RBM15B: variants seen among roughly 807,000 people sequenced by gnomAD.
RBM15B encodes putative RNA-binding protein 15B.
A neutral mutation model predicts 53.3 loss-of-function variants in RBM15B; 11 were observed. The ratio of observed to expected loss-of-function variants is 0.21; its 90% confidence interval spans 0.13 to 0.34. RBM15B has a LOEUF of 0.34. Ranked by LOEUF, RBM15B falls within the 10% of genes least tolerant of loss-of-function variation. The pLI is 1.00. For synonymous variants in RBM15B, 631 were observed against 540.7 expected (o/e 1.17, Z -2.32); for missense variants, 1,136 against 1,250.3 (o/e 0.91, Z 1.38).
rs199527351 is a variant in RBM15B at position 51,393,560 on chromosome 3, G to A, written c.2161G>A (p.Gly721Ser). 12 of 1,614,198 alleles carry A rather than the reference G, an allele frequency of 7.4e-6. No individual in the cohort carries two copies. The East Asian group carries it at 2.2e-4, about 30-fold the overall frequency. Residue 721 changes from glycine (G) to serine (S), a missense_variant, in exon 1 of 1, where the codon GGT becomes AGT. Physicochemically the swap from Gly to Ser is moderately conservative, Grantham distance 56. Around this residue, in one of 7 missense-constraint regions of RBM15B, gnomAD observed 578 missense variants for 581.6 expected, o/e 0.99. Transcript: ENST00000563281. The surrounding 1 kb of genome is among the most constrained non-coding windows in gnomAD (Gnocchi z 5.6). ...AGAGTACGCTCAGACACTACAGCTG[G>A]GTTGGAATGGGCTTCTGGTGTTGAA... ...LSEYAQTLQL[G>S]WNGLLVLKNS...
chr3:51,395,754 C>A lies in RBM15B; in HGVS notation c.*1682C>A. 2.4e-6 allele frequency: 1 copy of A among 413,466 alleles called. No homozygotes were observed. Among genetic ancestry groups the A allele is most frequent in the South Asian group, 1.3e-4 (1 of 7,828 alleles). 25.6% of individuals were successfully genotyped at this position (413,466 alleles called of 1,614,324 possible). On this transcript the variant is annotated 3_prime_UTR_variant, in exon 1 of 1. Coordinates refer to ENST00000563281, the MANE Select transcript of RBM15B (RefSeq NM_013286.5). ...GGCTCACTGCAGGCTGTGGAGAGGT[C>A]ATGCTGGTCCACAGGAACACTTGGC...
Position 51,392,690 on chromosome 3 carries a change from C to G in RBM15B, c.1291C>G (p.Leu431Val). The change falls in exon 1 of 1, where the codon CTG becomes GTG. Residue 431 changes from leucine (L) to valine (V), a missense_variant. Transcript: ENST00000563281. This position sits in a 1 kb window ranked among gnomAD's most constrained non-coding sequence, Gnocchi z 7.5. ...GGGTGGCCTGGGACCTAACACGTCA[C>G]TGGCGGCTCTGGCCCGAGAGTTTGA... ...WVGGLGPNTS[L>V]AALAREFDRF... The G allele has an allele frequency of 6.2e-7, 1 of 1,614,178 alleles. No homozygotes were observed. Among genetic ancestry groups the G allele is most frequent in the Non-Finnish European group, 8.5e-7 (1 of 1,180,032 alleles).
chr3:51,394,286 G>A lies in RBM15B; in HGVS notation c.*214G>A, dbSNP rs2089098988. ...AACGATGAGAAGGGAATCCGGTTAT[G>A]TTGATTTCTAGTGTACAAGATACTG... On this transcript the variant is annotated 3_prime_UTR_variant, in exon 1 of 1. Coordinates refer to ENST00000563281, the MANE Select transcript of RBM15B (RefSeq NM_013286.5). The A allele has an allele frequency of 3.4e-6, 2 of 583,340 alleles. No homozygotes were observed. The highest frequency in any genetic ancestry group is 2.6e-6 in the Non-Finnish European group (1 of 386,612). 36.1% of individuals were successfully genotyped at this position (583,340 alleles called of 1,614,324 possible). A position where few individuals can be genotyped will look rare whatever the true frequency, so the allele number is the denominator to read the frequency against.
chr3:51,391,406 C>A lies in RBM15B; in HGVS notation c.7C>A (p.Arg3=). The change falls in exon 1 of 1, where the codon CGG becomes AGG. Residue 3 remains arginine, a synonymous_variant. Coordinates refer to ENST00000563281, the MANE Select transcript of RBM15B (RefSeq NM_013286.5). This position sits in a 1 kb window ranked among gnomAD's most constrained non-coding sequence, Gnocchi z 4.5. MK[R]QSERDSSPSG... ...CGCCCGCCGCGCCAGCGCCATGAAGCGGCAGAGCGAGCGAGACTCTAGCCC... is the reference window on the plus strand; with the variant it reads ...CGCCCGCCGCGCCAGCGCCATGAAGAGGCAGAGCGAGCGAGACTCTAGCCC... The A allele has an allele frequency of 8.0e-7, 1 of 1,244,940 alleles. No individual in the cohort carries two copies. Among genetic ancestry groups the A allele is most frequent in the Non-Finnish European group, 1.0e-6 (1 of 992,906 alleles). The allele number at this position is 1,244,940 out of a possible 1,614,324, so 77.1% of individuals were successfully genotyped here. A position where few individuals can be genotyped will look rare whatever the true frequency, so the allele number is the denominator to read the frequency against.
rs1553621559 is a variant in RBM15B, at chr3:51,391,754, C to T, written c.355C>T (p.Pro119Ser). The change falls in exon 1 of 1, where the codon CCG becomes TCG. Residue 119 changes from proline (P) to serine (S), a missense_variant. Physicochemically the swap from Pro to Ser is moderately conservative, Grantham distance 74. This residue lies in a region of RBM15B where 257 missense variants were observed against 261.1 expected (regional missense o/e 0.98). Coordinates refer to ENST00000563281, the MANE Select transcript of RBM15B (RefSeq NM_013286.5). This position sits in a 1 kb window ranked among gnomAD's most constrained non-coding sequence, Gnocchi z 4.5. The stretch of plus-strand genomic sequence containing the variant: ...CCGCGCGTCTCCTCTGCCGCCGCCT[C>T]CGCCACCGCCTGGGGCCGAGCCCGC... The part of the protein sequence containing the change: ...SPRASPLPPP[P>S]PPPGAEPACP... The T allele has an allele frequency of 6.5e-7, 1 of 1,550,284 alleles. No individual in the cohort carries two copies. The highest frequency in any genetic ancestry group is 8.6e-7 in the Non-Finnish European group (1 of 1,158,724).
rs1223388922 is a variant in RBM15B at position 51,396,760 on chromosome 3, C to G, written c.*2688C>G. The stretch of plus-strand genomic sequence containing the variant: ...CTCCCTGTTATAGTCCCTGTCTCCC[C>G]CACAGAGACCTGTGGGTGCTCCCAG... On this transcript the variant is annotated 3_prime_UTR_variant, in exon 1 of 1. Transcript: ENST00000563281. 1 of 167,168 alleles carries G rather than the reference C, an allele frequency of 6.0e-6. No homozygotes were observed. Among genetic ancestry groups the G allele is most frequent in the African/African-American group, 2.4e-5 (1 of 41,442 alleles). The allele number at this position is 167,168 out of a possible 1,614,324, so 10.4% of individuals were successfully genotyped here. A position where few individuals can be genotyped will look rare whatever the true frequency, so the allele number is the denominator to read the frequency against.
rs782297819 is a variant in RBM15B at position 51,393,136 on chromosome 3, G to A, written c.1737G>A (p.Gly579=). The change falls in exon 1 of 1, where the codon GGG becomes GGA. Residue 579 remains glycine, a synonymous_variant. Coordinates refer to ENST00000563281, the MANE Select transcript of RBM15B (RefSeq NM_013286.5). The surrounding 1 kb of genome is among the most constrained non-coding windows in gnomAD (Gnocchi z 5.6). The stretch of plus-strand genomic sequence containing the variant: ...GCAGCCGGAGTGGTGAGCGTTGGGG[G>A]GCAGATGGAGACCGTGGTTTGCCCA... ...SVRSRSGERW[G]ADGDRGLPKP... is the part of the protein sequence containing the mutation. 2.4e-5 allele frequency: 39 copies of A among 1,613,948 alleles called. No homozygotes were observed. The South Asian group carries it at 4.0e-4, about 16-fold the overall frequency.
In RBM15B at chr3:51,394,016, T is replaced by C. The variant is rs2089088649; in HGVS notation, c.2617T>C (p.Leu873=). 3.4e-6 allele frequency: 5 copies of C among 1,491,174 alleles called. No homozygotes were observed. The highest frequency in any genetic ancestry group is 4.5e-6 in the Non-Finnish European group (5 of 1,120,168). 92.4% of individuals were successfully genotyped at this position (1,491,174 alleles called of 1,614,324 possible). The part of the protein sequence containing the change: ...QQYLQSALRT[L]GKLEEEHMVI... ...GTACCTCCAGTCAGCACTAAGGACA[T>C]TGGGCAAGCTAGAAGAAGAACACAT... The change falls in exon 1 of 1, where the codon TTG becomes CTG. Residue 873 remains leucine, a synonymous_variant. Transcript: ENST00000563281.
chr3:51,391,653 C>A lies in RBM15B; in HGVS notation c.254C>A (p.Ser85Tyr). The change falls in exon 1 of 1, where the codon TCC becomes TAC. Residue 85 changes from serine (S) to tyrosine (Y), a missense_variant. Transcript: ENST00000563281. The surrounding 1 kb of genome is among the most constrained non-coding windows in gnomAD (Gnocchi z 4.5). ...AATCACCGCGCGAGTAGCGGGCGCT[C>A]CTCGGGCTCCGGCGCTGGCGGCGGG... is the stretch of plus-strand genomic sequence containing the variant. The part of the protein sequence containing the change: ...DANHRASSGR[S>Y]SGSGAGGGGR... 1 of 1,200,484 alleles carries A rather than the reference C, an allele frequency of 8.3e-7. No individual in the cohort carries two copies. The highest frequency in any genetic ancestry group is 4.1e-5 in the South Asian group (1 of 24,296). 74.4% of individuals were successfully genotyped at this position (1,200,484 alleles called of 1,614,324 possible).
chr3:51,393,561 G>T lies in RBM15B; in HGVS notation c.2162G>T (p.Gly721Val). Residue 721 changes from glycine to valine, a missense_variant, in exon 1 of 1, where the codon GGT becomes GTT. Physicochemically the swap from Gly to Val is moderately radical, Grantham distance 109. Around this residue, in one of 7 missense-constraint regions of RBM15B, gnomAD observed 578 missense variants for 581.6 expected, o/e 0.99. Transcript: ENST00000563281. This position sits in a 1 kb window ranked among gnomAD's most constrained non-coding sequence, Gnocchi z 5.6. ...GAGTACGCTCAGACACTACAGCTGG[G>T]TTGGAATGGGCTTCTGGTGTTGAAA... ...LSEYAQTLQL[G>V]WNGLLVLKNS... is the part of the protein sequence containing the mutation. 6.2e-7 allele frequency: 1 copy of T among 1,614,184 alleles called. No homozygotes were observed. The highest frequency in any genetic ancestry group is 1.3e-5 in the African/African-American group (1 of 75,052).
chr3:51,392,733 G>A lies in RBM15B; in HGVS notation c.1334G>A (p.Arg445Gln). ...AREFDRFGSI[R>Q]TIDHVKGDSF... ...GAGTTTGACCGCTTTGGGAGCATTC[G>A]GACCATTGATCACGTCAAAGGAGAT... Residue 445 changes from arginine to glutamine, a missense_variant, in exon 1 of 1, where the codon CGG (arginine) becomes CAG (glutamine). Around this residue, in one of 7 missense-constraint regions of RBM15B, gnomAD observed 45 missense variants for 80.7 expected, o/e 0.56. Coordinates refer to ENST00000563281, the MANE Select transcript of RBM15B (RefSeq NM_013286.5). This position sits in a 1 kb window ranked among gnomAD's most constrained non-coding sequence, Gnocchi z 7.5. 6.2e-7 allele frequency: 1 copy of A among 1,614,176 alleles called. No individual in the cohort carries two copies. Among genetic ancestry groups the A allele is most frequent in the Non-Finnish European group, 8.5e-7 (1 of 1,180,038 alleles).
At position 51,394,157 on chromosome 3, in the gene RBM15B, G is replaced by A. The variant is rs1364903781; in HGVS notation, c.*85G>A. ...GATCCCCTCTCTACCCTACCACTTT[G>A]GTTTGAATTATCTCCTGGGTTATTT... is the stretch of plus-strand genomic sequence containing the variant. On this transcript the variant is annotated 3_prime_UTR_variant, in exon 1 of 1. Coordinates refer to ENST00000563281, the MANE Select transcript of RBM15B (RefSeq NM_013286.5). The A allele has an allele frequency of 6.1e-6, 8 of 1,304,586 alleles. No homozygotes were observed. Among genetic ancestry groups the A allele is most frequent in the African/African-American group, 1.5e-5 (1 of 66,250 alleles). 80.8% of individuals were successfully genotyped at this position (1,304,586 alleles called of 1,614,324 possible).
At position 51,393,851 on chromosome 3, in the gene RBM15B, A is replaced by T; in HGVS notation, c.2452A>T (p.Arg818Trp). The change falls in exon 1 of 1, where the codon AGG becomes TGG. Residue 818 changes from arginine to tryptophan, a missense_variant. Arg to Trp is a moderately radical substitution (Grantham distance 101). Coordinates refer to ENST00000563281, the MANE Select transcript of RBM15B (RefSeq NM_013286.5). This position sits in a 1 kb window ranked among gnomAD's most constrained non-coding sequence, Gnocchi z 5.6. ...GMPTVEPGLQ[R>W]RLLRNLVSYL... ...GCCCACAGTAGAGCCCGGTCTGCAGAGGCGGCTTCTCAGGAACCTGGTCTC... is the reference window on the plus strand; with the variant it reads ...GCCCACAGTAGAGCCCGGTCTGCAGTGGCGGCTTCTCAGGAACCTGGTCTC... 6.3e-7 allele frequency: 1 copy of T among 1,592,884 alleles called. No homozygotes were observed. Among genetic ancestry groups the T allele is most frequent in the East Asian group, 2.2e-5 (1 of 44,694 alleles).
rs372043035 is a variant in RBM15B at position 51,393,128 on chromosome 3, C to A, written c.1729C>A (p.Arg577Ser). 6.2e-7 allele frequency: 1 copy of A among 1,613,996 alleles called. No homozygotes were observed. Among genetic ancestry groups the A allele is most frequent in the Non-Finnish European group, 8.5e-7 (1 of 1,180,000 alleles). Residue 577 changes from arginine (R) to serine (S), a missense_variant, in exon 1 of 1, where the codon CGT becomes AGT. Arg to Ser is a moderately radical substitution (Grantham distance 110). Transcript: ENST00000563281. This position sits in a 1 kb window ranked among gnomAD's most constrained non-coding sequence, Gnocchi z 5.6. ...CTCAGTGCGCAGCCGGAGTGGTGAG[C>A]GTTGGGGGGCAGATGGAGACCGTGG... ...SRSVRSRSGE[R>S]WGADGDRGLP...
rs782521873 is a variant in RBM15B, at chr3:51,393,387, G to T, written c.1988G>T (p.Arg663Leu). 2.5e-6 allele frequency: 4 copies of T among 1,613,304 alleles called. No homozygotes were observed. The highest frequency in any genetic ancestry group is 3.4e-6 in the Non-Finnish European group (4 of 1,179,848). ...AACAGCAGACATGGGGCTGAGGAAC[G>T]GGGCCACCACCACCACCACCACGAG... ...LSNSRHGAEERGHHHHHHEAA... is the reference protein window; with the variant it reads ...LSNSRHGAEELGHHHHHHEAA... The change falls in exon 1 of 1, where the codon CGG becomes CTG. Residue 663 changes from arginine (R) to leucine (L), a missense_variant. This residue lies in a region of RBM15B where 578 missense variants were observed against 581.6 expected (regional missense o/e 0.99). Coordinates refer to ENST00000563281, the MANE Select transcript of RBM15B (RefSeq NM_013286.5). The surrounding 1 kb of genome is among the most constrained non-coding windows in gnomAD (Gnocchi z 5.6).
In RBM15B at chr3:51,393,160, C is replaced by T. The variant is rs570832923; in HGVS notation, c.1761C>T (p.Pro587=). 5.0e-6 allele frequency: 8 copies of T among 1,613,978 alleles called. No homozygotes were observed. The highest frequency in any genetic ancestry group is 6.8e-6 in the Non-Finnish European group (8 of 1,179,904). The change falls in exon 1 of 1, where the codon CCC becomes CCT. Residue 587 remains proline (P), a synonymous_variant. Coordinates refer to ENST00000563281, the MANE Select transcript of RBM15B (RefSeq NM_013286.5). This position sits in a 1 kb window ranked among gnomAD's most constrained non-coding sequence, Gnocchi z 5.6. ...RWGADGDRGL[P]KPWEERRKRR... ...GGGCAGATGGAGACCGTGGTTTGCC[C>T]AAGCCCTGGGAAGAGAGGCGGAAAC...
rs1237003925 is a variant in RBM15B at position 51,391,638 on chromosome 3, C to T, written c.239C>T (p.Ala80Val). The stretch of plus-strand genomic sequence containing the variant: ...GGCACCGGGGACGCGAATCACCGCG[C>T]GAGTAGCGGGCGCTCCTCGGGCTCC... ...GRGTGDANHR[A>V]SSGRSSGSGA... The change falls in exon 1 of 1, where the codon GCG (alanine) becomes GTG (valine). Residue 80 changes from alanine to valine, a missense_variant. Ala to Val is a moderately conservative substitution (Grantham distance 64, BLOSUM62 0). Coordinates refer to ENST00000563281, the MANE Select transcript of RBM15B (RefSeq NM_013286.5). The surrounding 1 kb of genome is among the most constrained non-coding windows in gnomAD (Gnocchi z 4.5). 5.4e-5 allele frequency: 64 copies of T among 1,192,182 alleles called. No individual in the cohort carries two copies. The East Asian group carries it at 2.2e-3, about 40-fold the overall frequency. 73.9% of individuals were successfully genotyped at this position (1,192,182 alleles called of 1,614,324 possible).
rs2089044059 is a variant in RBM15B at position 51,391,904 on chromosome 3, A to G, written c.505A>G (p.Ile169Val). The G allele has an allele frequency of 6.2e-7, 1 of 1,603,554 alleles. No individual in the cohort carries two copies. Among genetic ancestry groups the G allele is most frequent in the Non-Finnish European group, 8.5e-7 (1 of 1,179,356 alleles). The change falls in exon 1 of 1, where the codon ATC (isoleucine) becomes GTC (valine). Residue 169 changes from isoleucine to valine, a missense_variant. Around this residue, in one of 7 missense-constraint regions of RBM15B, gnomAD observed 257 missense variants for 261.1 expected, o/e 0.98. Coordinates refer to ENST00000563281, the MANE Select transcript of RBM15B (RefSeq NM_013286.5). This position sits in a 1 kb window ranked among gnomAD's most constrained non-coding sequence, Gnocchi z 4.5. ...LFHQFKRFGE[I>V]SLRLSHTPEL... ...CCACCAGTTCAAGCGCTTCGGCGAG[A>G]TCAGCCTCCGCCTGTCGCACACGCC...
At position 51,391,457 on chromosome 3, in the gene RBM15B, G is replaced by A. The variant is rs1553621499; in HGVS notation, c.58G>A (p.Ala20Thr). 4 of 1,266,240 alleles carry A rather than the reference G, an allele frequency of 3.2e-6. No homozygotes were observed. The highest frequency in any genetic ancestry group is 4.8e-5 in the South Asian group (2 of 41,290). The allele number at this position is 1,266,240 out of a possible 1,614,324, so 78.4% of individuals were successfully genotyped here. A position where few individuals can be genotyped will look rare whatever the true frequency, so the allele number is the denominator to read the frequency against. Residue 20 changes from alanine (A) to threonine (T), a missense_variant, in exon 1 of 1, where the codon GCC (alanine) becomes ACC (threonine). Around this residue, in one of 7 missense-constraint regions of RBM15B, gnomAD observed 257 missense variants for 261.1 expected, o/e 0.98. Transcript: ENST00000563281. The surrounding 1 kb of genome is among the most constrained non-coding windows in gnomAD (Gnocchi z 4.5). Reference protein sequence around the residue: ...SPSGRGSSSSAKRPREREREA... With the variant: ...SPSGRGSSSSTKRPREREREA... Reference sequence around the variant, plus strand: ...GAGCGGGCGCGGCTCGTCATCGTCCGCCAAGCGTCCGCGGGAGCGCGAACG... The same window carrying A: ...GAGCGGGCGCGGCTCGTCATCGTCCACCAAGCGTCCGCGGGAGCGCGAACG...
Sources: gnomAD v4.1 joint callset for allele counts on GRCh38, gnomAD v4.1.1 for gene constraint, gnomAD v4.1.1 regional missense constraint, Gnocchi (gnomAD v3.1) non-coding constraint, MANE v1.5 for transcripts, NCBI Gene and HGNC (gene_info 2026-07-23, HGNC 2026-07-21) for gene names.